ALDH1A2: variants seen among roughly 807,000 people sequenced by gnomAD.
ALDH1A2 encodes retinal dehydrogenase 2.
ALDH1A2 carries 27 observed loss-of-function variants against 60.3 expected under a neutral mutation model. The observed-to-expected ratio is 0.45, with a 90% CI of 0.33 to 0.62. ALDH1A2 has a LOEUF of 0.62. Ranked by LOEUF, ALDH1A2 falls within the 20% of genes least tolerant of loss-of-function variation. ALDH1A2 has a pLI of 0.02. For synonymous variants in ALDH1A2, 289 were observed against 232.4 expected (o/e 1.24, Z -2.21); for missense variants, 581 against 643.8 (o/e 0.90, Z 1.06).
rs1382348629 is a variant in ALDH1A2, at chr15:57,954,060, A to T, written c.*1137T>A. ...GGGGTGTGACAGAGGAGCTCAGTGGAGCACGGCAGTCCTGGCACAATGGAA... is the reference window on the plus strand; with the variant it reads ...GGGGTGTGACAGAGGAGCTCAGTGGTGCACGGCAGTCCTGGCACAATGGAA... On this transcript the variant is annotated 3_prime_UTR_variant, in exon 13 of 13. Transcript: ENST00000249750. 2 of 152,476 alleles carry T rather than the reference A, an allele frequency of 1.3e-5. No individual in the cohort carries two copies. Among genetic ancestry groups the T allele is most frequent in the African/African-American group, 4.8e-5 (2 of 41,462 alleles). The allele number at this position is 152,476 out of a possible 1,614,324, so 9.4% of individuals were successfully genotyped here.
At chr15:58,031,579 C>T (rs779123917) in intron 1 of ALDH1A2, among the ~76,000 whole-genome samples, 1 of 152,098 alleles carries the variant, frequency 6.6e-6, no homozygotes, top group African/African-American at 2.4e-5. Flanking sequence ...GAACAGGCAA[C>T]CTACAGAATG....
At chr15:58,005,003 C>T (rs1379762011) in intron 4 of ALDH1A2, among the ~76,000 whole-genome samples, 1 of 151,764 alleles carries the variant, frequency 6.6e-6, no homozygotes, top group Non-Finnish European at 1.5e-5. Context: ...TAATTTTGAT[C>T]AAGGCACTCA....
chr15:58,045,880 C>T (rs1359916463), intron 1 of ALDH1A2, among the ~76,000 whole-genome samples: 3 of 151,848 alleles, frequency 2.0e-5, no homozygotes, highest in Admixed American at 2.0e-4. Flanking sequence ...CTTCTTCCAC[C>T]TAAGGGAATT....
chr15:57,994,939 A>G, intron 5 of ALDH1A2, 139 bp downstream of exon 5: 1 of 828,900 alleles, frequency 1.2e-6, no homozygotes, highest in African/African-American at 1.7e-5. Flanking sequence ...GAGGCTGTTA[A>G]AGATATGTCA....
At chr15:57,986,559 T>G (rs1178911020) in intron 7 of ALDH1A2, among the ~76,000 whole-genome samples, 1 of 19,032 alleles carries the variant, frequency 5.3e-5, no homozygotes, top group South Asian at 2.2e-3. Flanking sequence ...CTTTCAAAAT[T>G]AACAGAAAAG....
intron 4 of ALDH1A2, among the ~76,000 whole-genome samples, chr15:57,997,721 C>A (rs537848886): frequency 6.6e-6 from 1 of 151,818 alleles, no homozygotes; most frequent in African/African-American, 2.4e-5. Flanking sequence ...TCTTAAAAGT[C>A]GGACCTCATG....
chr15:58,013,849 G>C lies in ALDH1A2; in HGVS notation c.363+9C>G. ...GGTTAAAGACTTAATGTTTTCTTAG[G>C]TTACTTACTGCAAGAACTGCCCTGT... On this transcript the variant is annotated intron_variant, in intron 3 of 12. Transcript: ENST00000249750. The C allele has an allele frequency of 5.6e-6, 9 of 1,614,132 alleles. No homozygotes were observed. The highest frequency in any genetic ancestry group is 7.6e-6 in the Non-Finnish European group (9 of 1,179,988).
chr15:58,014,167 A>G lies in ALDH1A2; in HGVS notation c.222+10T>C. 6.2e-7 allele frequency: 1 copy of G among 1,614,134 alleles called. No homozygotes were observed. Among genetic ancestry groups the G allele is most frequent in the Non-Finnish European group, 8.5e-7 (1 of 1,179,994 alleles). ...TTTCATAGGAAATCTTTTATCTACA[A>G]AAGACATACCTTGTCTGCTTCTTGA... On this transcript the variant is annotated intron_variant, in intron 2 of 12. Coordinates refer to ENST00000249750, the MANE Select transcript of ALDH1A2 (RefSeq NM_003888.4).
At chr15:58,025,461 G>A (rs1367732810) in intron 1 of ALDH1A2, among the ~76,000 whole-genome samples, 1 of 152,084 alleles carries the variant, frequency 6.6e-6, no homozygotes, top group Non-Finnish European at 1.5e-5. Context: ...GATTGAATCA[G>A]GAAGAAACAG....
chr15:58,060,337 G>A (rs571530310), intron 1 of ALDH1A2, among the ~76,000 whole-genome samples: 2 of 152,134 alleles, frequency 1.3e-5, no homozygotes, highest in East Asian at 3.9e-4. Context: ...ATCATTATAT[G>A]CCACTTACTT....
intron 12 of ALDH1A2, among the ~76,000 whole-genome samples, chr15:57,960,182 A>G (rs759037765): frequency 1.3e-5 from 2 of 152,216 alleles, no homozygotes; most frequent in East Asian, 1.9e-4. Context: ...ACCCCAAAAC[A>G]TATTAAATGC....
intron 1 of ALDH1A2, among the ~76,000 whole-genome samples, chr15:58,054,901 A>T (rs1896858523): frequency 6.6e-6 from 1 of 152,152 alleles, no homozygotes; most frequent in Non-Finnish European, 1.5e-5. Flanking sequence ...GTCAAATTGT[A>T]TCAATTCTCT....
chr15:57,966,992 G>T (rs1893917121), intron 7 of ALDH1A2, among the ~76,000 whole-genome samples: 1 of 152,176 alleles, frequency 6.6e-6, no homozygotes, highest in Non-Finnish European at 1.5e-5. Flanking sequence ...ATGAAAAAAT[G>T]TTATTTGTTC....
intron 12 of ALDH1A2, among the ~76,000 whole-genome samples, chr15:57,960,433 G>A (rs1485826022): frequency 1.3e-5 from 2 of 152,134 alleles, no homozygotes; most frequent in Non-Finnish European, 2.9e-5. Context: ...CAGGAAAAAC[G>A]GTTACTTCCT....
intron 1 of ALDH1A2, among the ~76,000 whole-genome samples, chr15:58,027,309 T>C (rs1345966437): frequency 6.6e-6 from 1 of 152,058 alleles, no homozygotes; most frequent in Admixed American, 6.5e-5. Flanking sequence ...GCCTGACTGT[T>C]AGAAGGAAAA....
At chr15:58,007,982 A>G (rs1254416549) in intron 4 of ALDH1A2, among the ~76,000 whole-genome samples, 2 of 152,154 alleles carry the variant, frequency 1.3e-5, no homozygotes, top group Non-Finnish European at 2.9e-5. Context: ...AGCTACATTC[A>G]CTAAGCACTA....
intron 1 of ALDH1A2, among the ~76,000 whole-genome samples, chr15:58,063,585 G>C (rs1257661759): frequency 1.3e-5 from 2 of 152,178 alleles, no homozygotes. Context: ...CACTATGCTT[G>C]TCTTAGAAAA....
At chr15:58,050,399 T>C (rs747310814) in intron 1 of ALDH1A2, among the ~76,000 whole-genome samples, 2 of 152,064 alleles carry the variant, frequency 1.3e-5, no homozygotes, top group Non-Finnish European at 2.9e-5. Flanking sequence ...AAATATGAAT[T>C]TCAGAAAAAC....
chr15:58,038,311 G>A (rs1566957239), intron 1 of ALDH1A2, among the ~76,000 whole-genome samples: 1 of 151,532 alleles, frequency 6.6e-6, no homozygotes, highest in Admixed American at 6.6e-5. Flanking sequence ...ATGATCCAAG[G>A]AGTCAAATAG....
Sources: gnomAD v4.1 joint callset for allele counts (sites outside exome capture counted in the v4.1 genomes callset) on GRCh38, gnomAD v4.1.1 for gene constraint, MANE v1.5 for transcripts, NCBI Gene and HGNC (gene_info 2026-07-23, HGNC 2026-07-21) for gene names.